The following PAK5 variants were observed in gnomAD, a reference collection of about 807,000 sequenced individuals.
PAK5 encodes the protein p21 (RAC1) activated kinase 5.
Under a neutral mutation model 65.9 loss-of-function variants are expected in PAK5, and 16 were observed. The ratio of observed to expected loss-of-function variants is 0.24; its 90% CI spans 0.16 to 0.37. The LOEUF (loss-of-function observed/expected upper bound fraction) is 0.37, where lower values mean the gene tolerates loss of function less well. Ranked by LOEUF, PAK5 falls within the 10% of genes least tolerant of loss-of-function variation. PAK5 has a pLI of 1.00. For synonymous variants in PAK5, 371 were observed against 354.9 expected, an observed-to-expected ratio of 1.05 and a Z score of -0.51; for missense variants, 785 against 903.9, an observed-to-expected ratio of 0.87 and a Z score of 1.69.
intron 1 of PAK5, among the ~76,000 whole-genome samples, chr20:9,812,550 C>T (rs1367444927): frequency 6.6e-6 from 1 of 152,082 alleles, no homozygotes; most frequent in African/African-American, 2.4e-5. Flanking sequence ...TAAACATGTA[C>T]CTACCATATG....
chr20:9,758,146 G>A (rs923903295), intron 1 of PAK5, among the ~76,000 whole-genome samples: 3 of 152,282 alleles, frequency 2.0e-5, no homozygotes, highest in Non-Finnish European at 2.9e-5. Context: ...GGGCAACAAA[G>A]AATTGTGTGC....
chr20:9,742,687 A>G (rs775086321), intron 1 of PAK5, among the ~76,000 whole-genome samples: 4 of 152,178 alleles, frequency 2.6e-5, no homozygotes, highest in Non-Finnish European at 5.9e-5. Context: ...AAAATTGGTT[A>G]TCTGGATTTA....
rs35823620 is a variant in PAK5, at chr20:9,572,064, G to GT, written c.991-5681dup. Among the ~76,000 whole-genome samples, 1,263 of 133,132 alleles carry GT rather than the reference G, an allele frequency of 9.5e-3. 12 individuals are homozygous for GT. The highest frequency in any genetic ancestry group is 0.018 in the African/African-American group (644 of 35,790). 87.3% of individuals were successfully genotyped at this position (133,132 alleles called of 152,430 possible). On this transcript the variant is annotated intron_variant, in intron 4 of 9. Transcript: ENST00000353224. ...AGAGGGGGTGAAAGACAAATTAAGG[G>GT]TTTTTTTTTTTTTTTTGGCTTGTTT...
chr20:9,644,753 T>C lies in PAK5; in HGVS notation c.-11-414A>G, dbSNP rs549761678. Among the ~76,000 whole-genome samples, 9 of 152,296 alleles carry C rather than the reference T, an allele frequency of 5.9e-5. No individual in the cohort carries two copies. In the South Asian group the frequency reaches 1.5e-3, roughly 25 times the overall value. On this transcript the variant is annotated intron_variant, in intron 2 of 9. Coordinates refer to ENST00000353224, the MANE Select transcript of PAK5 (RefSeq NM_177990.4). ...TCAGCCTAGGTCTTGGAAGGAGAGA[T>C]GCATGAGGGCAGACACAAGCCCAAC...
chr20:9,835,183 A>C (rs1480234015), intron 1 of PAK5, among the ~76,000 whole-genome samples: 3 of 152,234 alleles, frequency 2.0e-5, no homozygotes, highest in Non-Finnish European at 4.4e-5. Flanking sequence ...TCATTCACCA[A>C]AAGTTCATTG....
Position 9,644,305 on chromosome 20 carries a change from C to T in PAK5, c.24G>A (p.Lys8=). The change falls in exon 3 of 10, where the codon AAG becomes AAA. Residue 8 remains lysine (K), a synonymous_variant. Transcript: ENST00000353224. MFGKKKK[K]IEISGPSNFE... ...AGTTGGACGGGCCAGATATTTCAAT[C>T]TTTTTCTTTTTCTTCCCAAACATGA... 2 of 1,609,434 alleles carry T rather than the reference C, an allele frequency of 1.2e-6. No individual in the cohort carries two copies. Among genetic ancestry groups the T allele is most frequent in the Non-Finnish European group, 1.7e-6 (2 of 1,178,590 alleles).
chr20:9,601,792 G>A (rs1448477233), intron 3 of PAK5, among the ~76,000 whole-genome samples: 1 of 151,980 alleles, frequency 6.6e-6, no homozygotes, highest in Non-Finnish European at 1.5e-5. Context: ...ACCTGACCTG[G>A]GCAGTTGCTG....
At position 9,615,783 on chromosome 20, in the gene PAK5, G is replaced by T. The variant is rs191393668; in HGVS notation, c.204+28342C>A. Among the ~76,000 whole-genome samples the T allele has an allele frequency of 3.8e-3, 576 of 152,306 alleles. 3 individuals carry two copies. The highest frequency in any genetic ancestry group is 0.013 in the African/African-American group (539 of 41,570). On this transcript the variant is annotated intron_variant, in intron 3 of 9. Transcript: ENST00000353224. ...ATATTGGCTGGGGCTGCAGCCACCTGAGGGCACAAGGGCCAGACATCCATG... is the reference window on the plus strand; with the variant it reads ...ATATTGGCTGGGGCTGCAGCCACCTTAGGGCACAAGGGCCAGACATCCATG...
chr20:9,706,672 CTGT>C lies in PAK5; in HGVS notation c.-12+4611_-12+4613del, dbSNP rs962539238. Among the ~76,000 whole-genome samples the C allele has an allele frequency of 6.7e-4, 99 of 148,126 alleles. 1 individual carries two copies. The highest frequency in any genetic ancestry group is 2.5e-4 in the Non-Finnish European group (17 of 67,092). On this transcript the variant is annotated intron_variant, in intron 2 of 9. Coordinates refer to ENST00000353224, the MANE Select transcript of PAK5 (RefSeq NM_177990.4). ...TTTTGTTTTTTCTTTTTTTTTTTTG[CTGT>C]TGTTGTTTGTTTTGTAGAGATGGGG...
chr20:9,709,403 C>T (rs563127334), intron 2 of PAK5, among the ~76,000 whole-genome samples: 1 of 152,154 alleles, frequency 6.6e-6, no homozygotes, highest in Non-Finnish European at 1.5e-5. Flanking sequence ...TCTAAAACCC[C>T]ACCAGCATCC....
rs560053369 is a variant in PAK5 at position 9,830,671 on chromosome 20, G to A, written c.-162+8091C>T. On this transcript the variant is annotated intron_variant, in intron 1 of 9. Transcript: ENST00000353224. ...GGACCTTTCTTTCAAAATTCCTGCC[G>A]GTATATAAGGATCAGGCTGAAAATC... Among the ~76,000 whole-genome samples the A allele has an allele frequency of 1.5e-4, 23 of 152,128 alleles. No individual in the cohort carries two copies. The East Asian group carries it at 2.9e-3, about 19-fold the overall frequency.
In PAK5 at chr20:9,539,165, T is replaced by C. The variant is rs2045217820; in HGVS notation, c.*297A>G. ...CATGTTACCCTGCATGTGGCTAGGA[T>C]ATATCATAACGGAGTTTGTACTGAG... On this transcript the variant is annotated 3_prime_UTR_variant, in exon 10 of 10. Transcript: ENST00000353224. The C allele has an allele frequency of 3.5e-6, 1 of 289,188 alleles. No homozygotes were observed. Among genetic ancestry groups the C allele is most frequent in the African/African-American group, 2.1e-5 (1 of 47,794 alleles). 17.9% of individuals were successfully genotyped at this position (289,188 alleles called of 1,614,324 possible).
At chr20:9,744,863 G>A (rs1569069656) in intron 1 of PAK5, among the ~76,000 whole-genome samples, 1 of 152,130 alleles carries the variant, frequency 6.6e-6, no homozygotes, top group African/African-American at 2.4e-5. Context: ...ACTATGATTT[G>A]GTTCCTGCTC....
chr20:9,726,183 A>G lies in PAK5; in HGVS notation c.-161-14748T>C, dbSNP rs933736627. Among the ~76,000 whole-genome samples, 3 of 152,122 alleles carry G rather than the reference A, an allele frequency of 2.0e-5. No individual in the cohort carries two copies. In the East Asian group the frequency reaches 5.8e-4, roughly 29 times the overall value. On this transcript the variant is annotated intron_variant, in intron 1 of 9. Transcript: ENST00000353224. Reference sequence around the variant, plus strand: ...CAGCTTTTTAACTTGGTTATTTGTCATAAATAAGTTTCCCATTCTAAACAA... The same window carrying G: ...CAGCTTTTTAACTTGGTTATTTGTCGTAAATAAGTTTCCCATTCTAAACAA...
intron 1 of PAK5, among the ~76,000 whole-genome samples, chr20:9,722,705 T>C (rs940010629): frequency 6.6e-6 from 1 of 152,166 alleles, no homozygotes; most frequent in African/African-American, 2.4e-5. Context: ...AGTAAATATT[T>C]TGGATTTTAT....
At chr20:9,574,847 C>T (rs1026700334) in intron 4 of PAK5, among the ~76,000 whole-genome samples, 5 of 152,202 alleles carry the variant, frequency 3.3e-5, no homozygotes, top group South Asian at 2.1e-4. Flanking sequence ...AAGTGCTTCT[C>T]TCTTTCCCCC....
chr20:9,552,274 T>C (rs1057494596), intron 7 of PAK5, among the ~76,000 whole-genome samples: 1 of 152,230 alleles, frequency 6.6e-6, no homozygotes, highest in Admixed American at 6.5e-5. Flanking sequence ...TTCCGGCCAA[T>C]GAATTTGTCA....
chr20:9,557,790 G>A (rs1205302603), intron 6 of PAK5, 56 bp from the exon 7 acceptor site: 1 of 1,453,438 alleles, frequency 6.9e-7, no homozygotes, highest in East Asian at 2.3e-5. Flanking sequence ...TCTTTGAAAT[G>A]CTCAAGAGAG....
intron 8 of PAK5, 23 bp from the exon 9 acceptor site, chr20:9,542,743 T>A (rs2045287016): frequency 6.2e-7 from 1 of 1,609,272 alleles, no homozygotes; most frequent in African/African-American, 1.3e-5. Context: ...CCCTACTGGT[T>A]ATCTCAGGCA....
Sources: gnomAD v4.1 joint callset for allele counts (sites outside exome capture counted in the v4.1 genomes callset) on GRCh38, gnomAD v4.1.1 for gene constraint, MANE v1.5 for transcripts, NCBI Gene and HGNC (gene_info 2026-07-23, HGNC 2026-07-21) for gene names.